Variants in MAN1A1 observed in about 807,000 individuals in gnomAD.
The protein encoded by MAN1A1 is mannosidase alpha class 1A member 1.
In MAN1A1, 29 loss-of-function variants were observed where a neutral mutation model predicts 70.8. The observed-to-expected ratio is 0.41, with a 90% confidence interval of 0.31 to 0.56. MAN1A1 has a LOEUF of 0.56. MAN1A1 is among the 20% of genes least tolerant of loss of function. The pLI, the probability that MAN1A1 is intolerant of heterozygous loss-of-function variation, is 0.29. For missense variants in MAN1A1, 747 were observed against 841.3 expected (o/e 0.89, Z 1.39); for synonymous variants, 349 against 330.1 (o/e 1.06, Z -0.62).
intron 6 of MAN1A1, among the ~76,000 whole-genome samples, chr6:119,246,756 G>GTATT: frequency 6.6e-6 from 1 of 152,212 alleles, no homozygotes; most frequent in East Asian, 1.9e-4. Flanking sequence ...TAAGAAAGAA[G>GTATT]GTCTACAGGA....
chr6:119,296,832 C>T (rs2114430320), intron 4 of MAN1A1, among the ~76,000 whole-genome samples: 1 of 152,246 alleles, frequency 6.6e-6, no homozygotes, highest in South Asian at 2.1e-4. Flanking sequence ...CAGGGTGTTG[C>T]TAGTTAGTGT....
chr6:119,285,273 C>T (rs1273619691), intron 5 of MAN1A1, among the ~76,000 whole-genome samples: 7 of 151,874 alleles, frequency 4.6e-5, no homozygotes, highest in Admixed American at 1.3e-4. Flanking sequence ...CCACCATGTC[C>T]GGCCAGATTC....
chr6:119,279,211 C>T (rs775683776), intron 5 of MAN1A1, among the ~76,000 whole-genome samples: 7 of 152,202 alleles, frequency 4.6e-5, no homozygotes, highest in Admixed American at 6.5e-5. Flanking sequence ...ACTACTCCTA[C>T]GCTACTTCAG....
intron 6 of MAN1A1, among the ~76,000 whole-genome samples, chr6:119,208,243 CTAAT>C (rs1773939814): frequency 1.3e-5 from 2 of 152,100 alleles, no homozygotes; most frequent in South Asian, 2.1e-4. Flanking sequence ...CTACATCACT[CTAAT>C]TATTTATTTC....
chr6:119,348,378 T>C lies in MAN1A1; in HGVS notation c.603+85A>G, dbSNP rs1051142715. On this transcript the variant is annotated intron_variant, in intron 2 of 12. Transcript: ENST00000368468. ...TCCATCTCCCCATACATTGCATTGT[T>C]GCAGTCTTCAGAGTTTCAAAGGCTT... is the stretch of plus-strand genomic sequence containing the variant. The C allele has an allele frequency of 7.6e-6, 10 of 1,310,468 alleles. No homozygotes were observed. In the African/African-American group the frequency reaches 1.5e-4, roughly 19 times the overall value. The allele number at this position is 1,310,468 out of a possible 1,614,324, so 81.2% of individuals were successfully genotyped here.
intron 5 of MAN1A1, among the ~76,000 whole-genome samples, chr6:119,265,101 AATT>A (rs1753250612): frequency 1.0e-4 from 9 of 89,084 alleles, no homozygotes; most frequent in African/African-American, 2.5e-4. Flanking sequence ...GCCTTTTTTA[AATT>A]TTTTTTTTTT....
intron 2 of MAN1A1, among the ~76,000 whole-genome samples, chr6:119,311,750 T>C (rs1442843825): frequency 6.6e-6 from 1 of 152,030 alleles, no homozygotes; most frequent in Non-Finnish European, 1.5e-5. Flanking sequence ...GTGATGTCAC[T>C]TTGCAGCATG....
At chr6:119,337,557 C>T (rs1182778705) in intron 2 of MAN1A1, among the ~76,000 whole-genome samples, 6 of 152,126 alleles carry the variant, frequency 3.9e-5, no homozygotes, top group Non-Finnish European at 5.9e-5. Flanking sequence ...AAGGGACGGA[C>T]GACTGCAAAG....
At chr6:119,302,872 G>A (rs749435233) in intron 3 of MAN1A1, among the ~76,000 whole-genome samples, 4 of 152,156 alleles carry the variant, frequency 2.6e-5, no homozygotes, top group Admixed American at 6.5e-5. Flanking sequence ...AATTCTGACT[G>A]ATGCTAACTA....
intron 2 of MAN1A1, among the ~76,000 whole-genome samples, chr6:119,341,782 A>ATC (rs993617906): frequency 2.0e-5 from 3 of 152,138 alleles, no homozygotes; most frequent in African/African-American, 4.8e-5. Flanking sequence ...ACTTTACTCG[A>ATC]TCTCTCTCTC....
At chr6:119,339,912 G>A (rs189413171) in intron 2 of MAN1A1, among the ~76,000 whole-genome samples, 1 of 152,174 alleles carries the variant, frequency 6.6e-6, no homozygotes, top group Admixed American at 6.5e-5. Flanking sequence ...CCAATGTGGG[G>A]AAACCTTGCC....
chr6:119,307,381 C>A (rs1266192705), intron 2 of MAN1A1, among the ~76,000 whole-genome samples: 1 of 152,140 alleles, frequency 6.6e-6, no homozygotes, highest in Non-Finnish European at 1.5e-5. Flanking sequence ...ATTTATATTT[C>A]TGCACAAAGT....
chr6:119,248,385 C>T (rs1377536940), intron 5 of MAN1A1, 31 bp from the exon 6 acceptor site: 5 of 1,164,518 alleles, frequency 4.3e-6, no homozygotes, highest in African/African-American at 3.0e-5. Context: ...CTGTAAGCTA[C>T]TGTTGCAAGC....
At chr6:119,288,439 G>C (rs897987236) in intron 5 of MAN1A1, among the ~76,000 whole-genome samples, 1 of 151,794 alleles carries the variant, frequency 6.6e-6, no homozygotes, top group Non-Finnish European at 1.5e-5. Flanking sequence ...TTGCTATGTT[G>C]GTGTTCTATT....
intron 6 of MAN1A1, among the ~76,000 whole-genome samples, chr6:119,219,002 C>CT (rs2114254830): frequency 6.6e-6 from 1 of 152,178 alleles, no homozygotes; most frequent in South Asian, 2.1e-4. Context: ...GCTGCAGAAA[C>CT]TTAACCCTTG....
At chr6:119,343,675 C>CA (rs916514247) in intron 2 of MAN1A1, among the ~76,000 whole-genome samples, 1 of 152,090 alleles carries the variant, frequency 6.6e-6, no homozygotes, top group African/African-American at 2.4e-5. Context: ...CCTAAACTAC[C>CA]AAACAGGTAT....
In MAN1A1 at chr6:119,248,267, T is replaced by A. The variant is rs150097561; in HGVS notation, c.985A>T (p.Met329Leu). 1.5e-4 allele frequency: 239 copies of A among 1,604,776 alleles called. No homozygotes were observed. The highest frequency in any genetic ancestry group is 2.0e-4 in the Non-Finnish European group (231 of 1,172,420). ...PSGIPWALLN[M>L]KSGIGRNWPW... ...GAAAATGAAGAGTTTTACCTTTTCATATTCAGCAATGCCCAAGGTATTCCA... is the reference window on the plus strand; with the variant it reads ...GAAAATGAAGAGTTTTACCTTTTCAAATTCAGCAATGCCCAAGGTATTCCA... The change falls in exon 6 of 13, where the codon ATG becomes TTG. Residue 329 changes from methionine to leucine, a missense_variant. By Grantham distance (15) the Met-to-Leu change is conservative. Around this residue, in one of 2 missense-constraint regions of MAN1A1, gnomAD observed 419 missense variants for 548.2 expected, o/e 0.76. Transcript: ENST00000368468.
Position 119,254,600 on chromosome 6 carries a change from T to C in MAN1A1, c.898-6246A>G, listed in dbSNP as rs981813186. Among the ~76,000 whole-genome samples, 8 of 152,344 alleles carry C rather than the reference T, an allele frequency of 5.3e-5. No homozygotes were observed. In the East Asian group the frequency reaches 1.5e-3, roughly 29 times the overall value. On this transcript the variant is annotated intron_variant, in intron 5 of 12. Transcript: ENST00000368468. ...ATTTTATAAAGTTAAGAGAGTCAGG[T>C]GAAAAATTACAGTTCATAAAATGTA...
At chr6:119,266,681 G>T (rs983213216) in intron 5 of MAN1A1, among the ~76,000 whole-genome samples, 1 of 152,102 alleles carries the variant, frequency 6.6e-6, no homozygotes, top group Admixed American at 6.5e-5. Flanking sequence ...CCTGGGTTTG[G>T]AGATGACTTT....
Sources: allele counts gnomAD v4.1 joint callset (sites outside exome capture counted in the v4.1 genomes callset), GRCh38; gene constraint gnomAD v4.1.1; regional missense constraint gnomAD v4.1.1; transcripts MANE v1.5; gene names NCBI Gene and HGNC (gene_info 2026-07-23, HGNC 2026-07-21).